The following PPARD variants were observed in gnomAD, a reference collection of about 807,000 sequenced individuals.
The protein encoded by PPARD is peroxisome proliferator activated receptor delta.
PPARD carries 6 observed loss-of-function variants against 39.5 expected under a neutral mutation model. The observed-to-expected ratio is 0.15, with a 90% CI of 0.08 to 0.30. PPARD has a LOEUF of 0.30. Among genes scored for constraint, PPARD ranks in the 10% least tolerant of loss-of-function variants. PPARD has a pLI of 1.00. For missense variants in PPARD, 397 were observed against 596.8 expected (o/e 0.67, Z 3.49); for synonymous variants, 210 against 231.3 (o/e 0.91, Z 0.83).
intron 2 of PPARD, among the ~76,000 whole-genome samples, chr6:35,364,521 C>T (rs1362973200): frequency 2.0e-5 from 3 of 149,644 alleles, no homozygotes; most frequent in Admixed American, 1.3e-4. Flanking sequence ...GCAACCTGAA[C>T]CTCCCTGGTT....
chr6:35,406,959 C>T (rs1765093317), intron 2 of PPARD, among the ~76,000 whole-genome samples: 1 of 152,166 alleles, frequency 6.6e-6, no homozygotes, highest in East Asian at 1.9e-4. Flanking sequence ...TTGGGATCCT[C>T]AGGCCTGTCA....
chr6:35,343,644 A>C (rs1408102896), intron 1 of PPARD, among the ~76,000 whole-genome samples: 1 of 152,216 alleles, frequency 6.6e-6, no homozygotes, highest in East Asian at 1.9e-4. Context: ...ATGATGTCCA[A>C]TTTGTAGGCC....
At chr6:35,384,226 C>A (rs1373622959) in intron 2 of PPARD, among the ~76,000 whole-genome samples, 47 of 137,518 alleles carry the variant, frequency 3.4e-4, no homozygotes, top group Non-Finnish European at 5.8e-4. Context: ...GGGGGTCAGC[C>A]CCCCGCCCGG....
Position 35,363,523 on chromosome 6 carries a change from G to A in PPARD, c.-102+16373G>A, listed in dbSNP as rs150249429. Among the ~76,000 whole-genome samples, 2,159 of 152,242 alleles carry A rather than the reference G, an allele frequency of 0.014. 20 individuals carry two copies. Among genetic ancestry groups the A allele is most frequent in the Middle Eastern group, 0.027 (8 of 294 alleles). On this transcript the variant is annotated intron_variant, in intron 2 of 7. Transcript: ENST00000360694. The surrounding 1 kb of genome is among the most constrained non-coding windows in gnomAD (Gnocchi z 4.5). ...CCTGGCCATTGGACGGCTCATCTGG[G>A]GTGACTTCTGGGGCTGGTGCCTCAG...
intron 2 of PPARD, among the ~76,000 whole-genome samples, chr6:35,399,361 C>G (rs1764544895): frequency 1.4e-5 from 2 of 142,966 alleles, no homozygotes; most frequent in African/African-American, 5.3e-5. Context: ...GATCGTGCCA[C>G]TATACTCCAG....
chr6:35,355,388 C>G (rs370821335), intron 2 of PPARD, among the ~76,000 whole-genome samples: 10 of 151,380 alleles, frequency 6.6e-5, no homozygotes, highest in African/African-American at 2.4e-4. Context: ...CCCGTCTCTA[C>G]AAAAAATACA....
At chr6:35,356,740 T>A (rs1048004318) in intron 2 of PPARD, among the ~76,000 whole-genome samples, 1 of 152,220 alleles carries the variant, frequency 6.6e-6, no homozygotes, top group African/African-American at 2.4e-5. Flanking sequence ...AAATGTCTCC[T>A]AGGGGGCAAA....
intron 2 of PPARD, among the ~76,000 whole-genome samples, chr6:35,394,507 A>T (rs1373060305): frequency 6.6e-6 from 1 of 152,188 alleles, no homozygotes; most frequent in Non-Finnish European, 1.5e-5. Flanking sequence ...ATGATGACTC[A>T]TGCCTGTAAT....
chr6:35,423,332 C>A (rs1216541875), intron 5 of PPARD, among the ~76,000 whole-genome samples: 1 of 151,866 alleles, frequency 6.6e-6, no homozygotes, highest in Non-Finnish European at 1.5e-5. Context: ...AGTTCAAGAC[C>A]AGCCTGGCCA....
intron 2 of PPARD, among the ~76,000 whole-genome samples, chr6:35,356,922 A>G (rs1761648858): frequency 6.6e-6 from 1 of 152,188 alleles, no homozygotes; most frequent in Admixed American, 6.5e-5. Flanking sequence ...GGCTTTGGGG[A>G]GGAGTGATGG....
At chr6:35,405,566 A>G (rs1458694741) in intron 2 of PPARD, among the ~76,000 whole-genome samples, 4 of 140,594 alleles carry the variant, frequency 2.8e-5, no homozygotes, top group Admixed American at 2.1e-4. Context: ...GAGCCAGACC[A>G]AAAAAAAAAA....
chr6:35,411,100 C>A lies in PPARD; in HGVS notation c.13C>A (p.Gln5Lys). Reference protein sequence around the residue: MEQPQEEAPEVREEE... With the variant: MEQPKEEAPEVREEE... Reference sequence around the variant, plus strand: ...GGGGAGATCAGCCATGGAGCAGCCACAGGAGGAAGCCCCTGAGGTCCGGGA... The same window carrying A: ...GGGGAGATCAGCCATGGAGCAGCCAAAGGAGGAAGCCCCTGAGGTCCGGGA... The change falls in exon 3 of 8, where the codon CAG (glutamine) becomes AAG (lysine). Residue 5 changes from glutamine (Q) to lysine (K), a missense_variant. By Grantham distance (53) the Gln-to-Lys change is moderately conservative. Coordinates refer to ENST00000360694, the MANE Select transcript of PPARD (RefSeq NM_006238.5). 6.4e-7 allele frequency: 1 copy of A among 1,555,740 alleles called. No individual in the cohort carries two copies. Among genetic ancestry groups the A allele is most frequent in the South Asian group, 1.2e-5 (1 of 82,864 alleles).
At chr6:35,374,674 A>G (rs1234812963) in intron 2 of PPARD, among the ~76,000 whole-genome samples, 1 of 150,192 alleles carries the variant, frequency 6.7e-6, no homozygotes, top group Non-Finnish European at 1.5e-5. Flanking sequence ...AAAAAAAAAG[A>G]AAAGGAAAAA....
chr6:35,376,942 C>A (rs2150567516), intron 2 of PPARD, among the ~76,000 whole-genome samples: 1 of 151,780 alleles, frequency 6.6e-6, no homozygotes, highest in South Asian at 2.1e-4. Context: ...ATGGCATGAA[C>A]CCGGGAGGCA....
chr6:35,392,870 C>G (rs1414892773), intron 2 of PPARD, among the ~76,000 whole-genome samples: 1 of 152,088 alleles, frequency 6.6e-6, no homozygotes, highest in Admixed American at 6.6e-5. Context: ...GTAGAAAGAC[C>G]CAGTGTCTGC....
At chr6:35,409,955 C>T (rs1169206238) in intron 2 of PPARD, among the ~76,000 whole-genome samples, 3 of 152,166 alleles carry the variant, frequency 2.0e-5, no homozygotes, top group Admixed American at 2.0e-4. Flanking sequence ...CAGTGTACAG[C>T]CGAGTTGGCA....
At chr6:35,369,756 T>A (rs1026047916) in intron 2 of PPARD, among the ~76,000 whole-genome samples, 2 of 152,244 alleles carry the variant, frequency 1.3e-5, no homozygotes, top group Non-Finnish European at 2.9e-5. Flanking sequence ...TTTAGGTTAT[T>A]TCTCATCTTT....
chr6:35,423,896 G>A (rs755766519), intron 5 of PPARD, 50 bp from the exon 6 acceptor site: 1 of 1,587,780 alleles, frequency 6.3e-7, no homozygotes, highest in South Asian at 1.1e-5. Flanking sequence ...GATGTCAGAG[G>A]TGCTGGGGCC....
chr6:35,395,679 T>C (rs957013677), intron 2 of PPARD, among the ~76,000 whole-genome samples: 1 of 152,142 alleles, frequency 6.6e-6, no homozygotes, highest in Non-Finnish European at 1.5e-5. Flanking sequence ...GGCAGTTAGT[T>C]GAAGGGAGAG....
Sources: gnomAD v4.1 joint callset for allele counts (sites outside exome capture counted in the v4.1 genomes callset) on GRCh38, gnomAD v4.1.1 for gene constraint, Gnocchi (gnomAD v3.1) non-coding constraint, MANE v1.5 for transcripts, NCBI Gene and HGNC (gene_info 2026-07-23, HGNC 2026-07-21) for gene names.